GRIN3A: variants seen among roughly 807,000 people sequenced by gnomAD.
The protein encoded by GRIN3A is glutamate receptor ionotropic, NMDA 3A.
Under a neutral mutation model 92.4 loss-of-function variants are expected in GRIN3A, and 47 were observed. That is an observed-to-expected ratio of 0.51 (90% confidence interval 0.40 to 0.65). GRIN3A has a LOEUF of 0.65. GRIN3A is among the 30% of genes least tolerant of loss of function. GRIN3A has a pLI of 0.00. For missense variants in GRIN3A, 1,324 were observed against 1,393.1 expected, an observed-to-expected ratio of 0.95 and a Z score of 0.79; for synonymous variants, 527 against 540.6, an observed-to-expected ratio of 0.97 and a Z score of 0.35.
At chr9:101,713,141 G>T (rs1422971207) in intron 1 of GRIN3A, among the ~76,000 whole-genome samples, 1 of 152,086 alleles carries the variant, frequency 6.6e-6, no homozygotes, top group Non-Finnish European at 1.5e-5. Flanking sequence ...TACTGCATGG[G>T]CTCTGCTTTC....
intron 6 of GRIN3A, among the ~76,000 whole-genome samples, chr9:101,590,737 T>A (rs554087892): frequency 6.6e-6 from 1 of 152,148 alleles, no homozygotes; most frequent in Non-Finnish European, 1.5e-5. Flanking sequence ...AAAATAGATA[T>A]AACACCATAG....
chr9:101,578,606 C>T (rs1039672088), intron 7 of GRIN3A, among the ~76,000 whole-genome samples: 2 of 152,152 alleles, frequency 1.3e-5, no homozygotes, highest in African/African-American at 4.8e-5. Flanking sequence ...TTTGGGTCTC[C>T]ATGCCAATTT....
At chr9:101,666,104 A>G (rs1008052072) in intron 3 of GRIN3A, among the ~76,000 whole-genome samples, 3 of 151,822 alleles carry the variant, frequency 2.0e-5, no homozygotes, top group Non-Finnish European at 4.4e-5. Context: ...TCTCTCCACA[A>G]ATCCTATACA....
chr9:101,624,675 C>G (rs1478665925), intron 4 of GRIN3A, among the ~76,000 whole-genome samples: 3 of 152,112 alleles, frequency 2.0e-5, no homozygotes, highest in Admixed American at 6.6e-5. Flanking sequence ...AATAGTGCCA[C>G]AATAAACATA....
chr9:101,583,060 T>G (rs1050342956), intron 6 of GRIN3A, among the ~76,000 whole-genome samples: 2 of 152,200 alleles, frequency 1.3e-5, no homozygotes, highest in Non-Finnish European at 2.9e-5. Context: ...TATGATCTTA[T>G]AATTACCCTG....
At chr9:101,733,348 A>C (rs1830163288) in intron 1 of GRIN3A, among the ~76,000 whole-genome samples, 1 of 152,198 alleles carries the variant, frequency 6.6e-6, no homozygotes, top group Non-Finnish European at 1.5e-5. Context: ...TAAATAACTA[A>C]ATTAAAAAAT....
intron 5 of GRIN3A, among the ~76,000 whole-genome samples, chr9:101,616,383 A>G (rs1828454065): frequency 1.3e-5 from 2 of 151,872 alleles, no homozygotes; most frequent in Non-Finnish European, 2.9e-5. Flanking sequence ...ACCCATCCAA[A>G]CTCTTTTGTT....
intron 6 of GRIN3A, chr9:101,595,022 G>A: frequency 7.2e-7 from 1 of 1,391,106 alleles, no homozygotes; most frequent in South Asian, 1.4e-5. Context: ...GCCATGGGGT[G>A]GGGGTAGAGG....
At chr9:101,718,619 A>ATT (rs1829974561) in intron 1 of GRIN3A, among the ~76,000 whole-genome samples, 1 of 152,148 alleles carries the variant, frequency 6.6e-6, no homozygotes, top group African/African-American at 2.4e-5. Context: ...TCATGAGATG[A>ATT]TTTTAGGTTG....
chr9:101,585,987 T>C (rs1179096528), intron 6 of GRIN3A, among the ~76,000 whole-genome samples: 2 of 152,186 alleles, frequency 1.3e-5, no homozygotes, highest in African/African-American at 4.8e-5. Context: ...TATTGTTCCT[T>C]AAATCTATTG....
intron 3 of GRIN3A, among the ~76,000 whole-genome samples, chr9:101,649,785 T>C (rs1828987745): frequency 6.6e-6 from 1 of 152,058 alleles, no homozygotes; most frequent in Non-Finnish European, 1.5e-5. Flanking sequence ...GTTTTGCTGA[T>C]GTCACTGATG....
chr9:101,661,979 C>T (rs922598646), intron 3 of GRIN3A, among the ~76,000 whole-genome samples: 13 of 151,702 alleles, frequency 8.6e-5, no homozygotes, highest in East Asian at 3.9e-4. Context: ...TATTAATTGT[C>T]GCATTTATTT....
At chr9:101,640,232 T>C (rs1828837772) in intron 3 of GRIN3A, among the ~76,000 whole-genome samples, 1 of 152,236 alleles carries the variant, frequency 6.6e-6, no homozygotes, top group Non-Finnish European at 1.5e-5. Context: ...ATCTAGTGTT[T>C]GCTTATCTTT....
intron 1 of GRIN3A, among the ~76,000 whole-genome samples, chr9:101,707,312 T>G (rs1829825578): frequency 6.6e-6 from 1 of 152,206 alleles, no homozygotes; most frequent in African/African-American, 2.4e-5. Flanking sequence ...GCTGGATAAA[T>G]TTACTATCAC....
At chr9:101,629,948 C>T (rs1000915011) in intron 3 of GRIN3A, among the ~76,000 whole-genome samples, 2 of 152,192 alleles carry the variant, frequency 1.3e-5, no homozygotes, top group African/African-American at 4.8e-5. Flanking sequence ...CTCATGACAA[C>T]AACTGAAGCG....
At chr9:101,630,216 G>A (rs1828693026) in intron 3 of GRIN3A, among the ~76,000 whole-genome samples, 1 of 152,040 alleles carries the variant, frequency 6.6e-6, no homozygotes, top group African/African-American at 2.4e-5. Context: ...TATCTGTGCT[G>A]ATATAGTATC....
At chr9:101,684,020 C>A (rs1829497853) in intron 2 of GRIN3A, among the ~76,000 whole-genome samples, 1 of 152,066 alleles carries the variant, frequency 6.6e-6, no homozygotes, top group African/African-American at 2.4e-5. Context: ...CAGAAAGTTA[C>A]TTTTCTTTCT....
chr9:101,735,398 A>ACC lies in GRIN3A; in HGVS notation c.699+1881_699+1882dup, dbSNP rs138941541. ...AGCTTGTCCCTGGAGGACTTTATCC[A>ACC]CCCCCCACCCCGGTCTTAGAGCTTT... is the stretch of plus-strand genomic sequence containing the variant. On this transcript the variant is annotated intron_variant, in intron 1 of 8. Transcript: ENST00000361820. Among the ~76,000 whole-genome samples, 10 of 151,218 alleles carry ACC rather than the reference A, an allele frequency of 6.6e-5. 1 individual carries two copies. The highest frequency in any genetic ancestry group is 2.6e-4 in the Admixed American group (4 of 15,214).
chr9:101,590,797 A>T (rs1213799203), intron 6 of GRIN3A, among the ~76,000 whole-genome samples: 1 of 152,196 alleles, frequency 6.6e-6, no homozygotes, highest in Non-Finnish European at 1.5e-5. Flanking sequence ...AGTCAGTACT[A>T]TAAGTAGAGA....
Sources: gnomAD v4.1 joint callset for allele counts (sites outside exome capture counted in the v4.1 genomes callset) on GRCh38, gnomAD v4.1.1 for gene constraint, MANE v1.5 for transcripts, NCBI Gene and HGNC (gene_info 2026-07-23, HGNC 2026-07-21) for gene names.